GRIN2B: variants seen among roughly 807,000 people sequenced by gnomAD.
GRIN2B encodes the protein glutamate receptor ionotropic, NMDA 2B.
A neutral mutation model predicts 114.5 loss-of-function variants in GRIN2B; 5 were observed. The observed-to-expected ratio is 0.04, with a 90% CI of 0.02 to 0.09. GRIN2B has a LOEUF of 0.09. GRIN2B is among the 10% of genes least tolerant of loss of function. GRIN2B has a pLI of 1.00. For missense variants in GRIN2B, 1,108 were observed against 1,943.5 expected, an observed-to-expected ratio of 0.57 and a Z score of 8.08; for synonymous variants, 787 against 745.1, an observed-to-expected ratio of 1.06 and a Z score of -0.92.
At chr12:13,899,330 A>AG (rs1472711224) in intron 2 of GRIN2B, among the ~76,000 whole-genome samples, 1 of 152,188 alleles carries the variant, frequency 6.6e-6, no homozygotes, top group East Asian at 1.9e-4. Context: ...AGAAAAAAAA[A>AG]AGACTGGGTA....
intron 5 of GRIN2B, among the ~76,000 whole-genome samples, chr12:13,653,903 A>G (rs1949840478): frequency 1.3e-5 from 2 of 152,120 alleles, no homozygotes; most frequent in South Asian, 4.1e-4. Flanking sequence ...TCTTTTCTGC[A>G]GTACAGGCCT....
At chr12:13,742,283 T>C (rs1387587706) in intron 4 of GRIN2B, among the ~76,000 whole-genome samples, 2 of 152,250 alleles carry the variant, frequency 1.3e-5, no homozygotes, top group East Asian at 3.8e-4. Flanking sequence ...CATTCTGTTA[T>C]TTATTAATGC....
At position 13,560,725 on chromosome 12, in the gene GRIN2B, G is replaced by A. The variant is rs1948531996; in HGVS notation, c.*2058C>T. ...GAGAGGTTCAGCCCCTTGCCCCCAT[G>A]TTCATTTTAGAAAGAAAACAAAGCT... On this transcript the variant is annotated 3_prime_UTR_variant, in exon 14 of 14. Coordinates refer to ENST00000609686, the MANE Select transcript of GRIN2B (RefSeq NM_000834.5). 6.6e-6 allele frequency: 1 copy of A among 152,190 alleles called. No individual in the cohort carries two copies. The highest frequency in any genetic ancestry group is 1.5e-5 in the Non-Finnish European group (1 of 68,068). 9.4% of individuals were successfully genotyped at this position (152,190 alleles called of 1,614,324 possible). A position where few individuals can be genotyped will look rare whatever the true frequency, so the allele number is the denominator to read the frequency against.
At chr12:13,781,216 T>A (rs1160506572) in intron 3 of GRIN2B, among the ~76,000 whole-genome samples, 1 of 152,196 alleles carries the variant, frequency 6.6e-6, no homozygotes, top group African/African-American at 2.4e-5. Context: ...AAGGTGTCAG[T>A]TGGCAAGAAT....
intron 4 of GRIN2B, among the ~76,000 whole-genome samples, chr12:13,726,725 G>T (rs1471024218): frequency 6.6e-6 from 1 of 151,446 alleles, no homozygotes; most frequent in African/African-American, 2.4e-5. Context: ...ACATAAATAA[G>T]TTATTTAGTA....
chr12:13,567,586 G>C (rs1376947760), intron 12 of GRIN2B, among the ~76,000 whole-genome samples: 1 of 152,176 alleles, frequency 6.6e-6, no homozygotes, highest in Non-Finnish European at 1.5e-5. Context: ...ATGACAAGCT[G>C]TCTGCAGGTA....
At chr12:13,730,243 A>G (rs1170988351) in intron 4 of GRIN2B, among the ~76,000 whole-genome samples, 1 of 152,352 alleles carries the variant, frequency 6.6e-6, no homozygotes, top group South Asian at 2.1e-4. Context: ...TCTTCAAAAA[A>G]TGAGAAAAAG....
chr12:13,765,976 TGCCTAGTATATTACAGAG>T (rs921451653), intron 3 of GRIN2B, among the ~76,000 whole-genome samples: 1 of 152,230 alleles, frequency 6.6e-6, no homozygotes, highest in Non-Finnish European at 1.5e-5. Context: ...GTCTAACCTC[TGCCTAGTATATTACAGAG>T]ATTATTTTCA....
intron 10 of GRIN2B, among the ~76,000 whole-genome samples, chr12:13,604,383 T>A (rs1160042307): frequency 6.6e-6 from 1 of 152,240 alleles, no homozygotes; most frequent in Non-Finnish European, 1.5e-5. Flanking sequence ...GTACATTTTT[T>A]TCTGCAATAA....
intron 3 of GRIN2B, among the ~76,000 whole-genome samples, chr12:13,779,953 T>A (rs1032863913): frequency 6.6e-6 from 1 of 152,244 alleles, no homozygotes; most frequent in African/African-American, 2.4e-5. Context: ...TCAGCTGTTA[T>A]TATCAAATGA....
intron 5 of GRIN2B, among the ~76,000 whole-genome samples, chr12:13,618,146 T>C (rs924168902): frequency 1.3e-5 from 2 of 152,220 alleles, no homozygotes; most frequent in African/African-American, 4.8e-5. Flanking sequence ...TTTTCTCATA[T>C]TGCTAAGACT....
rs554576272 is a variant in GRIN2B at position 13,831,791 on chromosome 12, G to A, written c.411+34007C>T. On this transcript the variant is annotated intron_variant, in intron 3 of 13. Transcript: ENST00000609686. The stretch of plus-strand genomic sequence containing the variant: ...TTATTCAGCCTTATAAACACTGTGT[G>A]CTGACATATCCAGAAACAAATATTA... Among the ~76,000 whole-genome samples, 8 of 152,346 alleles carry A rather than the reference G, an allele frequency of 5.3e-5. No individual in the cohort carries two copies. The South Asian group carries it at 1.7e-3, about 32-fold the overall frequency.
chr12:13,735,783 A>T (rs1053595954), intron 4 of GRIN2B, among the ~76,000 whole-genome samples: 1 of 152,170 alleles, frequency 6.6e-6, no homozygotes, highest in African/African-American at 2.4e-5. Flanking sequence ...AATTTCTTAT[A>T]GACATATTTC....
intron 3 of GRIN2B, among the ~76,000 whole-genome samples, chr12:13,756,496 C>T (rs1863578904): frequency 6.6e-6 from 1 of 152,186 alleles, no homozygotes; most frequent in Non-Finnish European, 1.5e-5. Flanking sequence ...TAAAGAGACA[C>T]CCATTTGTTT....
At position 13,541,078 on chromosome 12, in the gene GRIN2B, G is replaced by A. The variant is rs546689692; in HGVS notation, c.*21705C>T. 6.6e-6 allele frequency: 1 copy of A among 152,382 alleles called. No homozygotes were observed. The highest frequency in any genetic ancestry group is 1.5e-5 in the Non-Finnish European group (1 of 68,042). 9.4% of individuals were successfully genotyped at this position (152,382 alleles called of 1,614,324 possible). On this transcript the variant is annotated 3_prime_UTR_variant, in exon 14 of 14. Transcript: ENST00000609686. ...CACACGCATCAGTCATTGTGGCTAA[G>A]TGTAATTCTGATGCTGTTGGAGCAC...
intron 10 of GRIN2B, among the ~76,000 whole-genome samples, chr12:13,593,191 A>T (rs1949030508): frequency 6.6e-6 from 1 of 152,198 alleles, no homozygotes; most frequent in Admixed American, 6.5e-5. Flanking sequence ...AATTGGAAAA[A>T]ACTACTTTAA....
intron 4 of GRIN2B, among the ~76,000 whole-genome samples, chr12:13,735,024 G>A (rs1290984271): frequency 1.3e-5 from 2 of 152,144 alleles, no homozygotes; most frequent in African/African-American, 4.8e-5. Flanking sequence ...AATAAGATAA[G>A]CCCAATTATG....
At chr12:13,923,167 C>T (rs1165401410) in intron 2 of GRIN2B, among the ~76,000 whole-genome samples, 2 of 152,170 alleles carry the variant, frequency 1.3e-5, no homozygotes, top group African/African-American at 4.8e-5. Context: ...ACAGCTTCTA[C>T]TAAATCTAGG....
At chr12:13,917,429 A>T (rs1008097294) in intron 2 of GRIN2B, among the ~76,000 whole-genome samples, 3 of 152,170 alleles carry the variant, frequency 2.0e-5, no homozygotes, top group African/African-American at 7.2e-5. Flanking sequence ...CTGTATTGCG[A>T]AGTGCTGTGG....
Sources: gnomAD v4.1 joint callset for allele counts (sites outside exome capture counted in the v4.1 genomes callset) on GRCh38, gnomAD v4.1.1 for gene constraint, MANE v1.5 for transcripts, NCBI Gene and HGNC (gene_info 2026-07-23, HGNC 2026-07-21) for gene names.